CLNK: variants seen among roughly 807,000 people sequenced by gnomAD.
CLNK encodes cytokine dependent hematopoietic cell linker.
A neutral mutation model predicts 68.6 loss-of-function variants in CLNK; 74 were observed. The ratio of observed to expected loss-of-function variants is 1.08; its 90% CI spans 0.89 to 1.31. The LOEUF is 1.31. Among genes scored for constraint, CLNK ranks in the 50% most tolerant of loss-of-function variants. CLNK has a pLI of 0.00. For synonymous variants in CLNK, 198 were observed against 172.2 expected (o/e 1.15, Z -1.17); for missense variants, 553 against 515.3 (o/e 1.07, Z -0.71).
At chr4:10,635,590 A>G (rs1723051774) in intron 2 of CLNK, among the ~76,000 whole-genome samples, 1 of 152,208 alleles carries the variant, frequency 6.6e-6, no homozygotes, top group Non-Finnish European at 1.5e-5. Flanking sequence ...AAAAAATGGA[A>G]GAGAGCGACA....
At chr4:10,698,359 C>T in the CLNK span, among the ~76,000 whole-genome samples, 6 of 152,158 alleles carry the variant, frequency 3.9e-5, no homozygotes, top group African/African-American at 1.4e-4. Context: ...GAATCTTTGA[C>T]CCTTGTACCT....
At chr4:10,558,489 T>A in intron 7 of CLNK, 37 bp from the exon 8 acceptor site, 1 of 1,594,528 alleles carries the variant, frequency 6.3e-7, no homozygotes, top group South Asian at 1.1e-5. Flanking sequence ...TCTCTTCAGT[T>A]GTGACTATGA....
intron 5 of CLNK, 104 bp downstream of exon 5, chr4:10,571,637 G>A (rs1414735227): frequency 2.1e-5 from 20 of 943,602 alleles, no homozygotes; most frequent in South Asian, 9.9e-5. Flanking sequence ...CACGCAGCCT[G>A]TTACTGTTGA....
chr4:10,731,795 C>T, the CLNK span, among the ~76,000 whole-genome samples: 2 of 152,116 alleles, frequency 1.3e-5, no homozygotes, highest in South Asian at 4.1e-4. Flanking sequence ...AGTGTAACTA[C>T]AAAAAGAGAA....
At position 10,674,597 on chromosome 4, in the gene CLNK, C is replaced by T. The variant is rs1325430661; in HGVS notation, c.-42-6686G>A. Among the ~76,000 whole-genome samples, 5 of 152,230 alleles carry T rather than the reference C, an allele frequency of 3.3e-5. No homozygotes were observed. In the East Asian group the frequency reaches 5.8e-4, roughly 18 times the overall value. The stretch of plus-strand genomic sequence containing the variant: ...AGAAATAGTGTGTGTTGTCTCCCTA[C>T]GGGGCTCACTGTACTCTCCTCCAGG... On this transcript the variant is annotated intron_variant, in intron 1 of 18. Transcript: ENST00000226951.
the CLNK span, among the ~76,000 whole-genome samples, chr4:10,731,979 T>C: frequency 2.0e-5 from 3 of 152,316 alleles, 1 homozygote; most frequent in Middle Eastern, 0.01. Flanking sequence ...GATTTTCATG[T>C]TGTAAATGTC....
intron 18 of CLNK, 133 bp from the exon 19 acceptor site, chr4:10,490,746 T>C (rs1716535144): frequency 1.4e-6 from 1 of 694,522 alleles, no homozygotes; most frequent in African/African-American, 1.8e-5. Context: ...GGTAAAGGTG[T>C]TTCAGGAAGT....
At chr4:10,513,950 T>C (rs1717720715) in intron 15 of CLNK, among the ~76,000 whole-genome samples, 2 of 144,212 alleles carry the variant, frequency 1.4e-5, no homozygotes, top group African/African-American at 5.1e-5. Flanking sequence ...GCTGGTGCGC[T>C]GCACCCACTA....
rs186213069 is a variant in CLNK at position 10,627,941 on chromosome 4, C to A, written c.12-29892G>T. Among the ~76,000 whole-genome samples the A allele has an allele frequency of 4.6e-3, 704 of 152,240 alleles. 5 individuals are homozygous for A. The highest frequency in any genetic ancestry group is 0.016 in the African/African-American group (665 of 41,496). ...CCCTTCTGTCTCCCTCTTTCCCCTGCAGGGTTCTGCTGCAAGAGGTCCCCG... is the reference window on the plus strand; with the variant it reads ...CCCTTCTGTCTCCCTCTTTCCCCTGAAGGGTTCTGCTGCAAGAGGTCCCCG... On this transcript the variant is annotated intron_variant, in intron 2 of 18. Transcript: ENST00000226951.
intron 17 of CLNK, among the ~76,000 whole-genome samples, chr4:10,503,220 G>T (rs1717127744): frequency 6.6e-6 from 1 of 152,136 alleles, no homozygotes; most frequent in Admixed American, 6.5e-5. Context: ...CCAACACTTG[G>T]GAGGCCGACG....
rs539885450 is a variant in CLNK, at chr4:10,511,529, C to T, written c.906+1935G>A. Among the ~76,000 whole-genome samples the T allele has an allele frequency of 2.4e-4, 37 of 152,274 alleles. No individual in the cohort carries two copies. In the Middle Eastern group the frequency reaches 0.01, roughly 42 times the overall value. ...GAATAACTCTCCATTACCTCCACCTCCTTCCTCAGGGCCCAGTTACCACCA... is the reference window on the plus strand; with the variant it reads ...GAATAACTCTCCATTACCTCCACCTTCTTCCTCAGGGCCCAGTTACCACCA... On this transcript the variant is annotated intron_variant, in intron 16 of 18. Transcript: ENST00000226951.
chr4:10,505,617 G>T (rs1717256687), intron 17 of CLNK, among the ~76,000 whole-genome samples: 1 of 152,122 alleles, frequency 6.6e-6, no homozygotes, highest in Non-Finnish European at 1.5e-5. Context: ...GTTTCTGGAG[G>T]CCAACAAGAT....
intron 2 of CLNK, among the ~76,000 whole-genome samples, chr4:10,633,868 T>C (rs367649141): frequency 6.6e-6 from 1 of 152,254 alleles, no homozygotes; most frequent in East Asian, 1.9e-4. Context: ...TTGGTTGTAC[T>C]GGAAAAGGCT....
At chr4:10,584,539 T>G (rs1456426814) in intron 4 of CLNK, among the ~76,000 whole-genome samples, 2 of 152,224 alleles carry the variant, frequency 1.3e-5, no homozygotes, top group African/African-American at 4.8e-5. Context: ...AACCATTCAT[T>G]CTTTCCACTC....
At chr4:10,552,503 T>A (rs535169112) in intron 8 of CLNK, among the ~76,000 whole-genome samples, 1 of 152,314 alleles carries the variant, frequency 6.6e-6, no homozygotes, top group African/African-American at 2.4e-5. Flanking sequence ...TGCATGCGTG[T>A]CTGACACCCA....
chr4:10,683,224 A>G (rs936458054), intron 1 of CLNK, among the ~76,000 whole-genome samples: 9 of 152,206 alleles, frequency 5.9e-5, no homozygotes, highest in East Asian at 3.9e-4. Flanking sequence ...GTCAAATCCT[A>G]CAGTCTTTCT....
intron 2 of CLNK, among the ~76,000 whole-genome samples, chr4:10,617,853 T>C (rs1722296212): frequency 6.6e-6 from 1 of 152,236 alleles, no homozygotes; most frequent in African/African-American, 2.4e-5. Context: ...GCTTTTGTTT[T>C]TGATTTTCAT....
At chr4:10,584,405 A>C (rs1368123826) in intron 4 of CLNK, among the ~76,000 whole-genome samples, 1 of 152,202 alleles carries the variant, frequency 6.6e-6, no homozygotes, top group African/African-American at 2.4e-5. Flanking sequence ...TCCCTGAAAT[A>C]ATAACCCTCC....
intron 2 of CLNK, among the ~76,000 whole-genome samples, chr4:10,647,918 C>T (rs111767093): frequency 2.0e-5 from 3 of 152,094 alleles, no homozygotes; most frequent in East Asian, 1.9e-4. Context: ...GAATTGAAAC[C>T]GGGATTTCCA....
Sources: allele counts gnomAD v4.1 joint callset (sites outside exome capture counted in the v4.1 genomes callset), GRCh38; gene constraint gnomAD v4.1.1; transcripts MANE v1.5; gene names NCBI Gene and HGNC (gene_info 2026-07-23, HGNC 2026-07-21).